Variants in AGAP1 observed in about 807,000 individuals in gnomAD.
AGAP1 encodes arf-GAP with GTPase, ANK repeat and PH domain-containing protein 1.
In AGAP1, 29 loss-of-function variants were observed where a neutral mutation model predicts 105.3. The observed-to-expected ratio is 0.28, with a 90% CI of 0.21 to 0.38. AGAP1 has a LOEUF of 0.38. Among genes scored for constraint, AGAP1 ranks in the 10% least tolerant of loss-of-function variants. The pLI, the probability that AGAP1 is intolerant of heterozygous loss-of-function variation, is 1.00. For missense variants in AGAP1, 998 were observed against 1,165.1 expected, an observed-to-expected ratio of 0.86 and a Z score of 2.09; for synonymous variants, 509 against 485.9, an observed-to-expected ratio of 1.05 and a Z score of -0.63.
In AGAP1 at chr2:235,792,111, A is replaced by G. The variant is rs1012536643; in HGVS notation, c.674-5648A>G. Reference sequence around the variant, plus strand: ...CTCGGAATTGCTCCCCCGCCTCCCAAGTTACTGGCCTCACTGTGCTCCAGC... The same window carrying G: ...CTCGGAATTGCTCCCCCGCCTCCCAGGTTACTGGCCTCACTGTGCTCCAGC... On this transcript the variant is annotated intron_variant, in intron 6 of 17. Coordinates refer to ENST00000304032, the MANE Select transcript of AGAP1 (RefSeq NM_001037131.3). The surrounding 1 kb of genome is among the most constrained non-coding windows in gnomAD (Gnocchi z 5.3). Among the ~76,000 whole-genome samples, 2 of 152,108 alleles carry G rather than the reference A, an allele frequency of 1.3e-5. No homozygotes were observed. The highest frequency in any genetic ancestry group is 2.9e-5 in the Non-Finnish European group (2 of 68,022).
rs1028188315 is a variant in AGAP1 at position 235,514,170 on chromosome 2, A to G, written c.163+19321A>G. 1.4e-4 allele frequency among the ~76,000 whole-genome samples: 22 copies of G among 152,234 alleles called. No homozygotes were observed. In the South Asian group the frequency reaches 1.9e-3, roughly 13 times the overall value. On this transcript the variant is annotated intron_variant, in intron 1 of 17. Transcript: ENST00000304032. ...CATGCGCGTGCGCGCGCGCACACAC[A>G]CACACACACACACATACCTCCTCTC...
At chr2:235,637,393 C>T (rs375581967) in intron 1 of AGAP1, among the ~76,000 whole-genome samples, 96 of 152,210 alleles carry the variant, frequency 6.3e-4, no homozygotes, top group African/African-American at 2.1e-3. Context: ...CCACCTCAGC[C>T]CCGCAAGTGA....
chr2:235,999,159 T>C (rs2055960683), intron 13 of AGAP1, among the ~76,000 whole-genome samples: 1 of 131,192 alleles, frequency 7.6e-6, no homozygotes, highest in African/African-American at 3.0e-5. Context: ...GAGGTGGTGG[T>C]GGTGATGATG....
intron 1 of AGAP1, among the ~76,000 whole-genome samples, chr2:235,598,593 T>A (rs1020886548): frequency 6.6e-6 from 1 of 152,238 alleles, no homozygotes; most frequent in African/African-American, 2.4e-5. Context: ...AACTTTCTTT[T>A]ACTCATCATC....
chr2:235,616,456 C>T (rs1164033560), intron 1 of AGAP1, among the ~76,000 whole-genome samples: 4 of 152,052 alleles, frequency 2.6e-5, no homozygotes, highest in Admixed American at 6.5e-5. Context: ...AAAATAGTTC[C>T]CCTTTTACAT....
At chr2:235,778,153 C>T (rs1198000981) in intron 6 of AGAP1, among the ~76,000 whole-genome samples, 1 of 152,130 alleles carries the variant, frequency 6.6e-6, no homozygotes, top group Non-Finnish European at 1.5e-5. Flanking sequence ...AGGTTAGACC[C>T]CTGGGCCACT....
intron 16 of AGAP1, among the ~76,000 whole-genome samples, chr2:236,066,962 TC>T (rs1490209646): frequency 3.3e-5 from 5 of 152,214 alleles, no homozygotes; most frequent in African/African-American, 1.2e-4. Flanking sequence ...GAATTGTTTA[TC>T]TACCAATGAT....
At position 235,534,737 on chromosome 2, in the gene AGAP1, A is replaced by G. The variant is rs114053138; in HGVS notation, c.163+39888A>G. On this transcript the variant is annotated intron_variant, in intron 1 of 17. Coordinates refer to ENST00000304032, the MANE Select transcript of AGAP1 (RefSeq NM_001037131.3). ...CATTCAGGGACACGGGGATAGTGGT[A>G]GTGTGTCTTCAGCACGACATGGGGA... Among the ~76,000 whole-genome samples, 413 of 152,318 alleles carry G rather than the reference A, an allele frequency of 2.7e-3. 3 individuals are homozygous for G. Among genetic ancestry groups the G allele is most frequent in the African/African-American group, 9.7e-3 (404 of 41,568 alleles).
chr2:236,074,401 C>G (rs1348046192), intron 16 of AGAP1, among the ~76,000 whole-genome samples: 1 of 152,210 alleles, frequency 6.6e-6, no homozygotes, highest in Non-Finnish European at 1.5e-5. Context: ...ACTGGGTGTT[C>G]TGTGCACACT....
chr2:235,499,428 G>A (rs532821343), intron 1 of AGAP1, among the ~76,000 whole-genome samples: 107 of 152,326 alleles, frequency 7.0e-4, no homozygotes, highest in African/African-American at 2.5e-3. Context: ...GTGGATAAGT[G>A]TCATGTTTCT....
chr2:235,764,600 T>C (rs1192053881), intron 6 of AGAP1, among the ~76,000 whole-genome samples: 2 of 152,208 alleles, frequency 1.3e-5, no homozygotes. Context: ...TTATCTCTGC[T>C]GCGTCCTGAG....
rs1956824175 is a variant in AGAP1 at position 235,789,141 on chromosome 2, G to A, written c.674-8618G>A. 6.6e-6 allele frequency among the ~76,000 whole-genome samples: 1 copy of A among 152,194 alleles called. No individual in the cohort carries two copies. The highest frequency in any genetic ancestry group is 1.9e-4 in the East Asian group (1 of 5,192). ...AAATAACTACTTTATACCAGAATTG[G>A]ATACACATATTAAAAATGTCAAATA... On this transcript the variant is annotated intron_variant, in intron 6 of 17. Transcript: ENST00000304032. This position sits in a 1 kb window ranked among gnomAD's most constrained non-coding sequence, Gnocchi z 4.2.
At chr2:235,649,898 GAGTGCCTTTTATACCAGAGT>G (rs1214864769) in intron 1 of AGAP1, among the ~76,000 whole-genome samples, 6 of 152,152 alleles carry the variant, frequency 3.9e-5, no homozygotes, top group Non-Finnish European at 5.9e-5. Flanking sequence ...TTTTACTGTG[GAGTGCCTTTTATACCAGAGT>G]AGTGGCTTTC....
intron 6 of AGAP1, among the ~76,000 whole-genome samples, chr2:235,771,751 CCTCTTCCCAGCACTCCTGT>C (rs1955468054): frequency 1.3e-5 from 2 of 152,142 alleles, no homozygotes; most frequent in Admixed American, 6.5e-5. Flanking sequence ...CTTACCTCCC[CCTCTTCCCAGCACTCCTGT>C]CTCTCCCCAG....
At position 236,014,732 on chromosome 2, in the gene AGAP1, C is replaced by A. The variant is rs2056635661; in HGVS notation, c.1646-21829C>A. 1.0e-5 allele frequency: 4 copies of A among 388,694 alleles called. 1 individual carries two copies. Among genetic ancestry groups the A allele is most frequent in the East Asian group, 8.1e-5 (1 of 12,280 alleles). 24.1% of individuals were successfully genotyped at this position (388,694 alleles called of 1,614,324 possible). On this transcript the variant is annotated intron_variant, in intron 13 of 17. Coordinates refer to ENST00000304032, the MANE Select transcript of AGAP1 (RefSeq NM_001037131.3). The surrounding 1 kb of genome is among the most constrained non-coding windows in gnomAD (Gnocchi z 6.3). Reference sequence around the variant, plus strand: ...CTACTTTGACCTTTTTTTTTCTCCCCTTTTCATTTGTTTTCTTTTCCTTTT... The same window carrying A: ...CTACTTTGACCTTTTTTTTTCTCCCATTTTCATTTGTTTTCTTTTCCTTTT...
Position 236,096,671 on chromosome 2 carries a change from C to A in AGAP1, c.2115-23521C>A, listed in dbSNP as rs1235495776. Among the ~76,000 whole-genome samples the A allele has an allele frequency of 6.6e-6, 1 of 151,796 alleles. No individual in the cohort carries two copies. Among genetic ancestry groups the A allele is most frequent in the African/African-American group, 2.4e-5 (1 of 41,364 alleles). On this transcript the variant is annotated intron_variant, in intron 16 of 17. Transcript: ENST00000304032. This position sits in a 1 kb window ranked among gnomAD's most constrained non-coding sequence, Gnocchi z 4.4. ...TCATCTCACTGCAACCTCTGCCTCC[C>A]CGGTTCAAGTGATTCTTCTGCCTCG...
intron 1 of AGAP1, among the ~76,000 whole-genome samples, chr2:235,503,025 T>A (rs922173937): frequency 2.0e-5 from 3 of 152,178 alleles, no homozygotes; most frequent in South Asian, 2.1e-4. Context: ...AAACATTTTT[T>A]AAAAAATTTA....
rs1239454797 is a variant in AGAP1 at position 236,009,859 on chromosome 2, C to G, written c.1646-26702C>G. Among the ~76,000 whole-genome samples the G allele has an allele frequency of 6.6e-6, 1 of 152,158 alleles. No individual in the cohort carries two copies. On this transcript the variant is annotated intron_variant, in intron 13 of 17. Transcript: ENST00000304032. This position sits in a 1 kb window ranked among gnomAD's most constrained non-coding sequence, Gnocchi z 4.2. ...CGGCGCTGCATCATTTTTTAATCAG[C>G]TATCTGAGGAATATTTATCTGATCA...
In AGAP1 at chr2:235,877,848, C is replaced by T. The variant is rs945260193; in HGVS notation, c.1051-5497C>T. Among the ~76,000 whole-genome samples the T allele has an allele frequency of 6.6e-6, 1 of 152,216 alleles. No homozygotes were observed. ...CCAACCACTGGTCTAAAGTGGGCCACACTTTGAGCTGGAAAGTGCTTCCGT... is the reference window on the plus strand; with the variant it reads ...CCAACCACTGGTCTAAAGTGGGCCATACTTTGAGCTGGAAAGTGCTTCCGT... On this transcript the variant is annotated intron_variant, in intron 9 of 17. Coordinates refer to ENST00000304032, the MANE Select transcript of AGAP1 (RefSeq NM_001037131.3). The surrounding 1 kb of genome is among the most constrained non-coding windows in gnomAD (Gnocchi z 4.3).
Sources: gnomAD v4.1 joint callset for allele counts (sites outside exome capture counted in the v4.1 genomes callset) on GRCh38, gnomAD v4.1.1 for gene constraint, Gnocchi (gnomAD v3.1) non-coding constraint, MANE v1.5 for transcripts, NCBI Gene and HGNC (gene_info 2026-07-23, HGNC 2026-07-21) for gene names.